Variants in UNC5C observed in about 807,000 individuals in gnomAD.
The protein encoded by UNC5C is netrin receptor UNC5C.
UNC5C carries 47 observed loss-of-function variants against 99.8 expected under a neutral mutation model. The observed-to-expected ratio is 0.47, with a 90% CI of 0.37 to 0.60. UNC5C has a LOEUF of 0.60. UNC5C is among the 20% of genes least tolerant of loss of function. UNC5C has a pLI of 0.00. For synonymous variants in UNC5C, 487 were observed against 452.2 expected (o/e 1.08, Z -0.98); for missense variants, 1,062 against 1,165.9 (o/e 0.91, Z 1.30).
intron 12 of UNC5C, among the ~76,000 whole-genome samples, chr4:95,188,587 T>G (rs139907581): frequency 9.9e-4 from 151 of 152,346 alleles, no homozygotes; most frequent in African/African-American, 3.4e-3. Flanking sequence ...AGATTCCACT[T>G]AAAAATATGC....
intron 2 of UNC5C, among the ~76,000 whole-genome samples, chr4:95,309,987 A>G (rs955527792): frequency 6.6e-6 from 1 of 152,204 alleles, no homozygotes; most frequent in Non-Finnish European, 1.5e-5. Flanking sequence ...GCTCCCCTAC[A>G]TTCGCTGCAG....
rs934310511 is a variant in UNC5C, at chr4:95,313,185, G to A, written c.347-11436C>T. ...ATGAAAATGCATGGAGCACTCTAGG[G>A]GAGAGTAGTTTACATTCATTGAGTA... is the stretch of plus-strand genomic sequence containing the variant. On this transcript the variant is annotated intron_variant, in intron 2 of 15. Transcript: ENST00000453304. Among the ~76,000 whole-genome samples the A allele has an allele frequency of 3.3e-5, 5 of 152,214 alleles. No homozygotes were observed. The East Asian group carries it at 5.8e-4, about 18-fold the overall frequency.
chr4:95,462,313 G>C (rs186794242), intron 1 of UNC5C, among the ~76,000 whole-genome samples: 171 of 152,236 alleles, frequency 1.1e-3, no homozygotes, highest in Non-Finnish European at 1.8e-3. Flanking sequence ...CAGGACAAGA[G>C]CACAATGTAC....
At chr4:95,273,004 G>A (rs577480484) in intron 4 of UNC5C, among the ~76,000 whole-genome samples, 7 of 152,278 alleles carry the variant, frequency 4.6e-5, no homozygotes, top group East Asian at 1.9e-4. Context: ...CACATTTGGC[G>A]GAGCCTCCAG....
intron 1 of UNC5C, among the ~76,000 whole-genome samples, chr4:95,382,015 C>G (rs996954551): frequency 6.6e-6 from 1 of 152,088 alleles, no homozygotes; most frequent in African/African-American, 2.4e-5. Context: ...GAGTCCCAGA[C>G]GAAGTAAGAA....
chr4:95,339,437 C>T (rs1379135516), intron 1 of UNC5C, among the ~76,000 whole-genome samples: 1 of 151,866 alleles, frequency 6.6e-6, no homozygotes, highest in Non-Finnish European at 1.5e-5. Context: ...ACCTTCAATT[C>T]AATTAATATT....
Position 95,336,773 on chromosome 4 carries a change from G to A in UNC5C, c.125-1142C>T, listed in dbSNP as rs569414924. 9.1e-4 allele frequency among the ~76,000 whole-genome samples: 139 copies of A among 152,064 alleles called. 1 individual carries two copies. The highest frequency in any genetic ancestry group is 3.2e-3 in the African/African-American group (133 of 41,558). On this transcript the variant is annotated intron_variant, in intron 1 of 15. Transcript: ENST00000453304. Reference sequence around the variant, plus strand: ...CTAGCATTCCAAGCTGCCCACAGTAGTAAATTTTTGACACTGAAATGTAAA... The same window carrying A: ...CTAGCATTCCAAGCTGCCCACAGTAATAAATTTTTGACACTGAAATGTAAA...
intron 14 of UNC5C, among the ~76,000 whole-genome samples, chr4:95,172,183 G>C (rs1289396539): frequency 1.3e-5 from 2 of 150,248 alleles, no homozygotes; most frequent in East Asian, 2.0e-4. Context: ...CTCCCATTTT[G>C]TAGGTTGCCT....
chr4:95,431,077 C>A (rs1021290923), intron 1 of UNC5C, among the ~76,000 whole-genome samples: 17 of 152,176 alleles, frequency 1.1e-4, no homozygotes, highest in African/African-American at 4.1e-4. Flanking sequence ...TCAAGTAAAC[C>A]TGAGTTTAAA....
intron 7 of UNC5C, among the ~76,000 whole-genome samples, chr4:95,220,474 GA>G (rs1738432010): frequency 6.6e-6 from 1 of 151,648 alleles, no homozygotes; most frequent in African/African-American, 2.4e-5. Context: ...CAACCCACAG[GA>G]AAAAAAAGTT....
At chr4:95,443,353 C>G (rs1350269667) in intron 1 of UNC5C, among the ~76,000 whole-genome samples, 7 of 152,180 alleles carry the variant, frequency 4.6e-5, no homozygotes, top group Non-Finnish European at 1.0e-4. Context: ...TAATTAGAAA[C>G]TACCAGAGAG....
At chr4:95,406,592 G>C (rs1036071560) in intron 1 of UNC5C, among the ~76,000 whole-genome samples, 3 of 152,140 alleles carry the variant, frequency 2.0e-5, no homozygotes, top group Non-Finnish European at 4.4e-5. Context: ...AAAAAAATAG[G>C]TTGTATAACA....
rs372835983 is a variant in UNC5C at position 95,369,703 on chromosome 4, C to T, written c.125-34072G>A. Among the ~76,000 whole-genome samples the T allele has an allele frequency of 4.0e-4, 61 of 151,972 alleles. No homozygotes were observed. In the Middle Eastern group the frequency reaches 0.01, roughly 25 times the overall value. ...GTCACATTAGCAATACCATTGATAC[C>T]GTTATCAATGGTCCAATGTAACTGG... On this transcript the variant is annotated intron_variant, in intron 1 of 15. Coordinates refer to ENST00000453304, the MANE Select transcript of UNC5C (RefSeq NM_003728.4).
At chr4:95,173,770 A>C (rs186525136) in intron 14 of UNC5C, among the ~76,000 whole-genome samples, 2,943 of 152,290 alleles carry the variant, frequency 0.019, 103 homozygotes, top group African/African-American at 0.067. Context: ...TCAGTTAGGG[A>C]GGATTCCCTC....
chr4:95,407,782 G>T (rs896104988), intron 1 of UNC5C, among the ~76,000 whole-genome samples: 1 of 152,106 alleles, frequency 6.6e-6, no homozygotes, highest in Non-Finnish European at 1.5e-5. Context: ...TATCCAAAAG[G>T]CGTTATATTA....
chr4:95,324,059 A>G (rs1742798915), intron 2 of UNC5C, among the ~76,000 whole-genome samples: 1 of 152,004 alleles, frequency 6.6e-6, no homozygotes, highest in Non-Finnish European at 1.5e-5. Context: ...ATAAATAAAT[A>G]AATAAGGTTT....
intron 1 of UNC5C, among the ~76,000 whole-genome samples, chr4:95,396,629 C>G (rs141929968): frequency 0.011 from 1,746 of 152,224 alleles, 20 homozygotes; most frequent in Middle Eastern, 0.034. Flanking sequence ...CTGTCTTACC[C>G]TCTCTCGACT....
intron 1 of UNC5C, among the ~76,000 whole-genome samples, chr4:95,409,598 G>A (rs562783549): frequency 1.3e-5 from 2 of 152,166 alleles, no homozygotes; most frequent in East Asian, 1.9e-4. Flanking sequence ...GATATTAAAA[G>A]TACAACTACT....
intron 4 of UNC5C, among the ~76,000 whole-genome samples, chr4:95,252,685 T>C (rs972376463): frequency 2.0e-5 from 3 of 152,188 alleles, no homozygotes; most frequent in African/African-American, 7.2e-5. Flanking sequence ...TGCTCCAAAA[T>C]CTGAAACTTT....
Sources: gnomAD v4.1 joint callset for allele counts (sites outside exome capture counted in the v4.1 genomes callset) on GRCh38, gnomAD v4.1.1 for gene constraint, MANE v1.5 for transcripts, NCBI Gene and HGNC (gene_info 2026-07-23, HGNC 2026-07-21) for gene names.